SIMC1: variants seen among roughly 807,000 people sequenced by gnomAD.
SIMC1 encodes SUMO interacting motifs containing 1.
Under a neutral mutation model 82.3 loss-of-function variants are expected in SIMC1, and 55 were observed. The ratio of observed to expected loss-of-function variants is 0.67; its 90% CI spans 0.54 to 0.84. The LOEUF (loss-of-function observed/expected upper bound fraction) is 0.84. Among genes scored for constraint, SIMC1 ranks in the 40% least tolerant of loss-of-function variants. The probability of loss-of-function intolerance (pLI) is 0.00; values close to 1 mark genes in which losing one functional copy is unlikely to be tolerated. For synonymous variants in SIMC1, 353 were observed against 426.3 expected (o/e 0.83, Z 2.12); for missense variants, 915 against 1,107.2 (o/e 0.83, Z 2.46).
chr5:176,273,417 A>G (rs1480942855), intron 1 of SIMC1, among the ~76,000 whole-genome samples: 2 of 152,208 alleles, frequency 1.3e-5, no homozygotes, highest in Non-Finnish European at 2.9e-5. Context: ...CATTCACACC[A>G]AAACCCCATC....
chr5:176,244,718 C>T (rs1490629825), intron 1 of SIMC1, among the ~76,000 whole-genome samples: 5 of 140,362 alleles, frequency 3.6e-5, no homozygotes, highest in Admixed American at 1.4e-4. Context: ...TTTTTTTTTT[C>T]CTTTTTTTTT....
intron 4 of SIMC1, among the ~76,000 whole-genome samples, chr5:176,300,406 A>G (rs1763992069): frequency 1.3e-5 from 2 of 152,280 alleles, no homozygotes; most frequent in Non-Finnish European, 2.9e-5. Flanking sequence ...GAAACCTTGA[A>G]CTTCTGGGCT....
At chr5:176,310,152 A>G (rs1288470164) in intron 4 of SIMC1, among the ~76,000 whole-genome samples, 2 of 152,218 alleles carry the variant, frequency 1.3e-5, no homozygotes, top group African/African-American at 2.4e-5. Flanking sequence ...TAGTAAAAAT[A>G]CCAAATACTA....
At chr5:176,311,725 T>C (rs1043664139) in intron 4 of SIMC1, among the ~76,000 whole-genome samples, 2 of 152,186 alleles carry the variant, frequency 1.3e-5, no homozygotes, top group African/African-American at 4.8e-5. Context: ...CTTAGTATAC[T>C]ATATGGATTT....
At chr5:176,322,560 A>T (rs1765212989) in intron 6 of SIMC1, 135 bp downstream of exon 6, 1 of 1,107,158 alleles carries the variant, frequency 9.0e-7, no homozygotes, top group East Asian at 2.6e-5. Flanking sequence ...TTCAAGACTT[A>T]GTTTAACTAG....
intron 9 of SIMC1, among the ~76,000 whole-genome samples, chr5:176,341,293 C>G (rs1309423440): frequency 6.6e-6 from 1 of 152,186 alleles, no homozygotes; most frequent in Non-Finnish European, 1.5e-5. Context: ...AACAAGCTAG[C>G]AGGGCAAGGA....
At chr5:176,249,865 C>T (rs1448833572) in intron 1 of SIMC1, among the ~76,000 whole-genome samples, 1 of 91,170 alleles carries the variant, frequency 1.1e-5, no homozygotes, top group Non-Finnish European at 2.5e-5. Flanking sequence ...AAAAAAAAAA[C>T]CAGCTCCTGA....
intron 1 of SIMC1, chr5:176,263,406 T>C: frequency 6.5e-7 from 1 of 1,533,594 alleles, no homozygotes; most frequent in Non-Finnish European, 8.8e-7. Flanking sequence ...ATTTGGCTCA[T>C]AATTCTGCAG....
In SIMC1 at chr5:176,290,831, A is replaced by C. The variant is rs774499067; in HGVS notation, c.1307A>C (p.Gln436Pro). ...GCCAAACCTGGGTCTGCCCACGTAC[A>C]ATCACGAACACCACAAGGTGGGTTG... Reference protein sequence around the residue: ...EPAKPGSAHVQSRTPQGGLYN... With the variant: ...EPAKPGSAHVPSRTPQGGLYN... Residue 436 changes from glutamine to proline, a missense_variant, in exon 2 of 10, where the codon CAA becomes CCA. By Grantham distance (76) the Gln-to-Pro change is moderately conservative (BLOSUM62 -1). Coordinates refer to ENST00000429602, the MANE Select transcript of SIMC1 (RefSeq NM_001308195.2). The C allele has an allele frequency of 6.2e-7, 1 of 1,613,666 alleles. No homozygotes were observed. The highest frequency in any genetic ancestry group is 1.3e-5 in the African/African-American group (1 of 74,878).
intron 7 of SIMC1, among the ~76,000 whole-genome samples, chr5:176,334,186 T>G (rs1226282014): frequency 2.6e-5 from 4 of 152,170 alleles, no homozygotes; most frequent in African/African-American, 9.7e-5. Flanking sequence ...TCTTCCTGCT[T>G]TTTTTACTTG....
intron 5 of SIMC1, among the ~76,000 whole-genome samples, chr5:176,319,659 C>T (rs1370716875): frequency 3.3e-5 from 5 of 152,184 alleles, no homozygotes; most frequent in Non-Finnish European, 7.3e-5. Context: ...GACCCTGACT[C>T]TGCAAAAGAA....
chr5:176,290,122 A>C lies in SIMC1; in HGVS notation c.598A>C (p.Asn200His). 6.2e-7 allele frequency: 1 copy of C among 1,604,122 alleles called. No homozygotes were observed. The highest frequency in any genetic ancestry group is 8.5e-7 in the Non-Finnish European group (1 of 1,175,262). The change falls in exon 2 of 10, where the codon AAT (asparagine) becomes CAT (histidine). Residue 200 changes from asparagine (N) to histidine (H), a missense_variant. Physicochemically the swap from Asn to His is moderately conservative, Grantham distance 68. Around this residue, in one of 2 missense-constraint regions of SIMC1, gnomAD observed 902 missense variants for 1,040.3 expected, o/e 0.87. Coordinates refer to ENST00000429602, the MANE Select transcript of SIMC1 (RefSeq NM_001308195.2). ...TAGTAGGAGCAGCAGCAGCAGCAGC[A>C]ATCAAAAAGCACCCTTGCCATGCCC... ...NNSRSSSSSS[N>H]QKAPLPCPQQ...
intron 1 of SIMC1, among the ~76,000 whole-genome samples, chr5:176,257,054 G>T (rs1199910976): frequency 6.6e-6 from 1 of 151,950 alleles, no homozygotes; most frequent in African/African-American, 2.4e-5. Context: ...ACCACACCTG[G>T]CCCGTAACAT....
intron 7 of SIMC1, among the ~76,000 whole-genome samples, chr5:176,333,067 G>A (rs1391191571): frequency 1.3e-5 from 2 of 152,188 alleles, no homozygotes. Context: ...ACTTTGGGAG[G>A]CCAAGGTGGG....
At chr5:176,307,454 G>T (rs1426546219) in intron 4 of SIMC1, among the ~76,000 whole-genome samples, 1 of 152,188 alleles carries the variant, frequency 6.6e-6, no homozygotes, top group African/African-American at 2.4e-5. Context: ...AGGCTGGAGT[G>T]CAGTGGTGTG....
intron 9 of SIMC1, among the ~76,000 whole-genome samples, chr5:176,342,013 G>A (rs1477274613): frequency 6.6e-6 from 1 of 152,198 alleles, no homozygotes; most frequent in Non-Finnish European, 1.5e-5. Flanking sequence ...CCCATAGACA[G>A]TGCTGAGATG....
At chr5:176,344,168 G>C (rs562035234) in intron 9 of SIMC1, among the ~76,000 whole-genome samples, 1 of 152,212 alleles carries the variant, frequency 6.6e-6, no homozygotes, top group South Asian at 2.1e-4. Context: ...GTTGATTTTA[G>C]ATTGAGCCAG....
At chr5:176,292,339 C>A (rs1428689084) in intron 2 of SIMC1, among the ~76,000 whole-genome samples, 7 of 152,116 alleles carry the variant, frequency 4.6e-5, no homozygotes, top group Non-Finnish European at 8.8e-5. Flanking sequence ...CATCCCATCC[C>A]CCATATTAAG....
chr5:176,274,401 A>G (rs2113193407), intron 1 of SIMC1, among the ~76,000 whole-genome samples: 1 of 151,666 alleles, frequency 6.6e-6, no homozygotes, highest in South Asian at 2.1e-4. Flanking sequence ...GATTCTGGAT[A>G]TTAGCCCTTT....
Sources: gnomAD v4.1 joint callset for allele counts (sites outside exome capture counted in the v4.1 genomes callset) on GRCh38, gnomAD v4.1.1 for gene constraint, gnomAD v4.1.1 regional missense constraint, MANE v1.5 for transcripts, NCBI Gene and HGNC (gene_info 2026-07-23, HGNC 2026-07-21) for gene names.